The following LRRC37A2 variants were observed in gnomAD, a reference collection of about 807,000 sequenced individuals.
LRRC37A2 encodes the protein leucine rich repeat containing 37 member A2, also known as leucine-rich repeat-containing protein 37A2.
LRRC37A2 carries 9 observed loss-of-function variants against 68.8 expected under a neutral mutation model. The ratio of observed to expected loss-of-function variants is 0.13; its 90% CI spans 0.08 to 0.23. LRRC37A2 has a LOEUF of 0.23. LRRC37A2 is among the 10% of genes least tolerant of loss of function. The probability of loss-of-function intolerance (pLI) is 1.00; values close to 1 mark genes in which losing one functional copy is unlikely to be tolerated. For missense variants in LRRC37A2, 168 were observed against 950.4 expected (o/e 0.18, Z 10.82); for synonymous variants, 63 against 367.6 (o/e 0.17, Z 9.48).
At chr17:46,502,300 T>G in the LRRC37A2 span, among the ~76,000 whole-genome samples, 1 of 151,138 alleles carries the variant, frequency 6.6e-6, no homozygotes, top group Non-Finnish European at 1.5e-5. Context: ...TTATCTAGTT[T>G]AAGGGTCCTT....
chr17:46,723,309 A>T, the LRRC37A2 span, among the ~76,000 whole-genome samples: 1 of 152,192 alleles, frequency 6.6e-6, no homozygotes, highest in Non-Finnish European at 1.5e-5. Context: ...TTTTAGTAGA[A>T]TTCTGAAAAA....
chr17:46,834,443 C>A, the LRRC37A2 span, among the ~76,000 whole-genome samples: 1 of 152,158 alleles, frequency 6.6e-6, no homozygotes, highest in African/African-American at 2.4e-5. Flanking sequence ...CCCACTAGGG[C>A]ACCTGGCAAG....
At chr17:46,993,977 G>A in the LRRC37A2 span, among the ~76,000 whole-genome samples, 1 of 152,136 alleles carries the variant, frequency 6.6e-6, no homozygotes, top group Non-Finnish European at 1.5e-5. Flanking sequence ...TACTTCAAAA[G>A]ACAGACATTC....
At chr17:46,819,717 C>T in the LRRC37A2 span, among the ~76,000 whole-genome samples, 1 of 152,230 alleles carries the variant, frequency 6.6e-6, no homozygotes, top group African/African-American at 2.4e-5. This position sits in a 1 kb window ranked among gnomAD's most constrained non-coding sequence, Gnocchi z 5.3. Flanking sequence ...TTGCCCTGTG[C>T]GGACACCAAA....
chr17:46,966,600 C>A, the LRRC37A2 span: 1 of 688,512 alleles, frequency 1.5e-6, no homozygotes, highest in Non-Finnish European at 2.7e-6. Flanking sequence ...CCTCCTGCAT[C>A]AGCCTCCCGA....
chr17:46,871,965 C>A, the LRRC37A2 span, among the ~76,000 whole-genome samples: 16 of 152,316 alleles, frequency 1.1e-4, no homozygotes, highest in African/African-American at 3.8e-4. Flanking sequence ...ATTACTTGGG[C>A]AGCAGCATAA....
the LRRC37A2 span, among the ~76,000 whole-genome samples, chr17:46,771,513 C>A: frequency 1.3e-5 from 2 of 148,934 alleles, no homozygotes. Flanking sequence ...GGGGGCGGGG[C>A]GGGGATTAGC....
chr17:46,739,286 G>A, the LRRC37A2 span, among the ~76,000 whole-genome samples: 113 of 145,144 alleles, frequency 7.8e-4, no homozygotes, highest in Admixed American at 1.7e-3. Context: ...CAGGAGAATC[G>A]CTTGAACCCA....
chr17:46,963,099 C>T, the LRRC37A2 span, among the ~76,000 whole-genome samples: 1 of 152,294 alleles, frequency 6.6e-6, no homozygotes, highest in Middle Eastern at 3.4e-3. Flanking sequence ...CATTATGTGG[C>T]CAAGTGGGAG....
the LRRC37A2 span, chr17:46,773,635 GC>G: frequency 4.6e-6 from 1 of 218,072 alleles, no homozygotes; most frequent in Non-Finnish European, 8.0e-6. Flanking sequence ...CCCCCACCCA[GC>G]CCCTCCCCCC....
the LRRC37A2 span, among the ~76,000 whole-genome samples, chr17:46,905,703 G>A: frequency 1.1e-4 from 17 of 152,262 alleles, no homozygotes; most frequent in African/African-American, 3.1e-4. Context: ...TGGTATGGAC[G>A]TGCAGCCTGG....
chr17:46,778,181 C>T, the LRRC37A2 span, among the ~76,000 whole-genome samples: 4,233 of 152,314 alleles, frequency 0.028, 77 homozygotes, highest in Non-Finnish European at 0.041. Flanking sequence ...TCATTTCTCC[C>T]ATCCTTGCAT....
At chr17:46,959,311 T>C in the LRRC37A2 span, among the ~76,000 whole-genome samples, 1 of 152,240 alleles carries the variant, frequency 6.6e-6, no homozygotes, top group Admixed American at 6.5e-5. Flanking sequence ...CATTCTGCTT[T>C]CTTTTTGGAG....
the LRRC37A2 span, chr17:46,939,161 A>G: frequency 9.0e-7 from 1 of 1,107,930 alleles, no homozygotes; most frequent in Non-Finnish European, 1.1e-6. Flanking sequence ...CTGGCTCCTG[A>G]TAGGGTGGAG....
At chr17:47,023,565 C>T in the LRRC37A2 span, among the ~76,000 whole-genome samples, 47 of 152,192 alleles carry the variant, frequency 3.1e-4, no homozygotes, top group Non-Finnish European at 5.1e-4. Flanking sequence ...CCTGTAATCC[C>T]ATCTACTTGG....
the LRRC37A2 span, chr17:46,704,868 T>C: frequency 3.8e-6 from 6 of 1,591,976 alleles, no homozygotes; most frequent in Non-Finnish European, 5.1e-6. Flanking sequence ...AGTATGCCCA[T>C]TGAGTGATAT....
At chr17:46,882,989 T>C in the LRRC37A2 span, among the ~76,000 whole-genome samples, 1 of 151,930 alleles carries the variant, frequency 6.6e-6, no homozygotes, top group Non-Finnish European at 1.5e-5. Flanking sequence ...ATCCCCATTT[T>C]TTTTTTTGAG....
At chr17:46,957,089 G>T in the LRRC37A2 span, among the ~76,000 whole-genome samples, 1 of 152,082 alleles carries the variant, frequency 6.6e-6, no homozygotes, top group Non-Finnish European at 1.5e-5. Flanking sequence ...CGGGTGGATC[G>T]TGTGAACCCA....
At chr17:46,818,382 G>A in the LRRC37A2 span, 2 of 814,212 alleles carry the variant, frequency 2.5e-6, no homozygotes, top group East Asian at 5.5e-5. Flanking sequence ...TCCAGGAGGG[G>A]TGGGCGGGTG....
Sources: allele counts gnomAD v4.1 joint callset (sites outside exome capture counted in the v4.1 genomes callset), GRCh38; gene constraint gnomAD v4.1.1; non-coding constraint Gnocchi (gnomAD v3.1); transcripts MANE v1.5; gene names NCBI Gene and HGNC (gene_info 2026-07-23, HGNC 2026-07-21).